CORIN: variants seen among roughly 807,000 people sequenced by gnomAD.
CORIN encodes corin, serine peptidase.
In CORIN, 117 loss-of-function variants were observed where a neutral mutation model predicts 125.3. The ratio of observed to expected loss-of-function variants is 0.93; its 90% CI spans 0.80 to 1.09. The LOEUF is 1.09. Ranked by LOEUF, CORIN falls within the 50% of genes least tolerant of loss-of-function variation. CORIN has a pLI of 0.00. For synonymous variants in CORIN, 450 were observed against 466.4 expected, an observed-to-expected ratio of 0.96 and a Z score of 0.45; for missense variants, 1,253 against 1,306.7, an observed-to-expected ratio of 0.96 and a Z score of 0.63.
intron 19 of CORIN, among the ~76,000 whole-genome samples, chr4:47,619,877 AG>A (rs1336940950): frequency 1.3e-5 from 2 of 152,228 alleles, no homozygotes; most frequent in Non-Finnish European, 2.9e-5. Flanking sequence ...GTTACAAATT[AG>A]GTCTGCAAAA....
chr4:47,646,817 A>G (rs1723508827), intron 13 of CORIN, among the ~76,000 whole-genome samples: 1 of 152,240 alleles, frequency 6.6e-6, no homozygotes, highest in South Asian at 2.1e-4. Flanking sequence ...AAGTTTCTTA[A>G]ACAATGTTAT....
chr4:47,823,119 CT>C (rs760356460), intron 1 of CORIN, among the ~76,000 whole-genome samples: 31 of 152,158 alleles, frequency 2.0e-4, no homozygotes, highest in East Asian at 1.5e-3. Flanking sequence ...GGCCCCATTT[CT>C]TTTTTTATTC....
chr4:47,700,705 T>C (rs574184636), intron 5 of CORIN, among the ~76,000 whole-genome samples: 16 of 152,334 alleles, frequency 1.1e-4, no homozygotes, highest in South Asian at 4.1e-4. Flanking sequence ...CCAGCTTTCC[T>C]GGCTGCCCCA....
At chr4:47,804,690 G>A (rs73238635) in intron 2 of CORIN, among the ~76,000 whole-genome samples, 8,365 of 134,102 alleles carry the variant, frequency 0.062, 362 homozygotes, top group Non-Finnish European at 0.087. Flanking sequence ...AGAATAGATG[G>A]ATGGTTATCA....
In CORIN at chr4:47,603,420, C is replaced by T; in HGVS notation, c.2789G>A (p.Gly930Asp). 6.2e-7 allele frequency: 1 copy of T among 1,614,128 alleles called. No homozygotes were observed. The highest frequency in any genetic ancestry group is 8.5e-7 in the Non-Finnish European group (1 of 1,180,030). ...LEPDTYCYIT[G>D]WGHMGNKMPF... is the part of the protein sequence containing the mutation. ...ACTTTTATTGCCCATGTGGCCCCAG[C>T]CTGTGATATAGCAGTACGTGTCAGG... Residue 930 changes from glycine (G) to aspartate (D), a missense_variant, in exon 20 of 22, where the codon GGC becomes GAC. Gly to Asp is a moderately conservative substitution (Grantham distance 94, BLOSUM62 -1). Coordinates refer to ENST00000273857, the MANE Select transcript of CORIN (RefSeq NM_006587.4).
chr4:47,604,311 C>T (rs1383648440), intron 19 of CORIN, among the ~76,000 whole-genome samples: 1 of 152,150 alleles, frequency 6.6e-6, no homozygotes, highest in Non-Finnish European at 1.5e-5. Context: ...TCTCAGTCTC[C>T]ATGTTGAAAT....
chr4:47,770,106 A>T (rs1729954641), intron 3 of CORIN, among the ~76,000 whole-genome samples: 1 of 152,176 alleles, frequency 6.6e-6, no homozygotes, highest in Admixed American at 6.5e-5. Context: ...TGCAAACCAT[A>T]CACCTGATAA....
chr4:47,647,466 A>G (rs1723539874), intron 13 of CORIN, among the ~76,000 whole-genome samples: 1 of 152,206 alleles, frequency 6.6e-6, no homozygotes. Flanking sequence ...AATACCACAG[A>G]AATAGATCAT....
At chr4:47,704,962 C>T (rs571125794) in intron 5 of CORIN, among the ~76,000 whole-genome samples, 2 of 152,182 alleles carry the variant, frequency 1.3e-5, no homozygotes, top group Non-Finnish European at 2.9e-5. Context: ...TCAGCCTGAT[C>T]CCCTCAACTG....
At chr4:47,692,621 G>A (rs930922220) in intron 6 of CORIN, among the ~76,000 whole-genome samples, 3 of 150,938 alleles carry the variant, frequency 2.0e-5, no homozygotes, top group African/African-American at 7.3e-5. Context: ...GGGTGAAAAT[G>A]TTGCTATAAA....
intron 16 of CORIN, among the ~76,000 whole-genome samples, chr4:47,638,008 C>T (rs1723093526): frequency 1.4e-5 from 2 of 147,074 alleles, no homozygotes; most frequent in Admixed American, 1.4e-4. Flanking sequence ...CTGCCCAAGA[C>T]CCATGGGAAC....
chr4:47,655,811 G>A (rs1416009212), intron 12 of CORIN, among the ~76,000 whole-genome samples: 1 of 143,232 alleles, frequency 7.0e-6, no homozygotes, highest in African/African-American at 2.6e-5. Context: ...ACAATAACAA[G>A]TAATGCTATT....
chr4:47,694,789 G>C (rs1359847076), intron 5 of CORIN, among the ~76,000 whole-genome samples: 1 of 152,116 alleles, frequency 6.6e-6, no homozygotes, highest in Non-Finnish European at 1.5e-5. Flanking sequence ...GCACTCAGGA[G>C]GTTCTCGATT....
At position 47,594,568 on chromosome 4, in the gene CORIN, A is replaced by G. The variant is rs1721179715; in HGVS notation, c.*1153T>C. 6.6e-6 allele frequency: 1 copy of G among 152,388 alleles called. No homozygotes were observed. The highest frequency in any genetic ancestry group is 1.5e-5 in the Non-Finnish European group (1 of 68,026). The allele number at this position is 152,388 out of a possible 1,614,324, so 9.4% of individuals were successfully genotyped here. A position where few individuals can be genotyped will look rare whatever the true frequency, so the allele number is the denominator to read the frequency against. On this transcript the variant is annotated 3_prime_UTR_variant, in exon 22 of 22. Transcript: ENST00000273857. ...TACCAATGAGAAGAAACCAGATATT[A>G]AACATCTTTTGAGGAAAATTACAAA...
At chr4:47,770,082 T>C (rs1729953365) in intron 3 of CORIN, among the ~76,000 whole-genome samples, 1 of 151,970 alleles carries the variant, frequency 6.6e-6, no homozygotes, top group Admixed American at 6.6e-5. Context: ...ACTTACAAAA[T>C]GGGAGAAAAT....
chr4:47,656,956 A>T (rs759855972), intron 12 of CORIN, among the ~76,000 whole-genome samples: 2 of 152,218 alleles, frequency 1.3e-5, no homozygotes, highest in Non-Finnish European at 2.9e-5. Flanking sequence ...AAATCAACAT[A>T]CAAAAATTAG....
intron 4 of CORIN, among the ~76,000 whole-genome samples, chr4:47,762,077 T>C (rs1450050580): frequency 6.6e-6 from 1 of 152,130 alleles, no homozygotes; most frequent in African/African-American, 2.4e-5. Context: ...TACATATATG[T>C]ATGTGTCTGT....
intron 1 of CORIN, among the ~76,000 whole-genome samples, chr4:47,816,664 A>G (rs1201795275): frequency 1.3e-5 from 2 of 152,190 alleles, no homozygotes; most frequent in Non-Finnish European, 2.9e-5. Flanking sequence ...CGTTTATTCC[A>G]ATGAGCCTCA....
intron 1 of CORIN, among the ~76,000 whole-genome samples, chr4:47,825,248 C>A (rs933346538): frequency 3.9e-5 from 6 of 152,204 alleles, no homozygotes; most frequent in Admixed American, 3.3e-4. Flanking sequence ...GATGGAAAGC[C>A]AGCCTCAGAG....
Sources: allele counts gnomAD v4.1 joint callset (sites outside exome capture counted in the v4.1 genomes callset), GRCh38; gene constraint gnomAD v4.1.1; transcripts MANE v1.5; gene names NCBI Gene and HGNC (gene_info 2026-07-23, HGNC 2026-07-21).